Variants in DCLK2 observed in about 807,000 individuals in gnomAD.
DCLK2 encodes the protein serine/threonine-protein kinase DCLK2.
Under a neutral mutation model 78.4 loss-of-function variants are expected in DCLK2, and 31 were observed. The observed-to-expected ratio is 0.40, with a 90% CI of 0.30 to 0.53. The LOEUF is 0.53. Ranked by LOEUF, DCLK2 falls within the 20% of genes least tolerant of loss-of-function variation. The pLI, the probability that DCLK2 is intolerant of heterozygous loss-of-function variation, is 0.61. For synonymous variants in DCLK2, 407 were observed against 374.9 expected, an observed-to-expected ratio of 1.09 and a Z score of -0.99; for missense variants, 872 against 973.7, an observed-to-expected ratio of 0.90 and a Z score of 1.39.
At chr4:150,103,510 G>C (rs1731026777) in intron 2 of DCLK2, among the ~76,000 whole-genome samples, 1 of 152,088 alleles carries the variant, frequency 6.6e-6, no homozygotes, top group Non-Finnish European at 1.5e-5. Context: ...AAAGAAGCTT[G>C]GCTTCTGAAG....
intron 2 of DCLK2, among the ~76,000 whole-genome samples, chr4:150,132,510 G>T (rs1733389137): frequency 6.6e-6 from 1 of 152,210 alleles, no homozygotes; most frequent in African/African-American, 2.4e-5. Flanking sequence ...TGTTCTGTGT[G>T]TAAACACTGA....
At chr4:150,100,507 T>C (rs931100193) in intron 1 of DCLK2, among the ~76,000 whole-genome samples, 1 of 152,224 alleles carries the variant, frequency 6.6e-6, no homozygotes, top group Non-Finnish European at 1.5e-5. Context: ...TTCCCCCAGC[T>C]GACTTACTAC....
chr4:150,189,249 A>AT (rs1262406842), intron 2 of DCLK2, among the ~76,000 whole-genome samples: 2 of 151,938 alleles, frequency 1.3e-5, no homozygotes, highest in Non-Finnish European at 2.9e-5. Context: ...GGCCAAAAAA[A>AT]ATAAAAATCA....
chr4:150,094,895 C>G (rs1479648967), intron 1 of DCLK2, among the ~76,000 whole-genome samples: 1 of 152,144 alleles, frequency 6.6e-6, no homozygotes, highest in Non-Finnish European at 1.5e-5. Flanking sequence ...AAACACCTTA[C>G]CCACATGTTC....
intron 2 of DCLK2, among the ~76,000 whole-genome samples, chr4:150,128,891 A>T (rs1733096303): frequency 6.6e-6 from 1 of 152,290 alleles, no homozygotes; most frequent in Non-Finnish European, 1.5e-5. Context: ...GTTTAAAAAG[A>T]GCATTAACTT....
intron 8 of DCLK2, among the ~76,000 whole-genome samples, chr4:150,227,544 A>T (rs1265777703): frequency 6.6e-6 from 1 of 152,182 alleles, no homozygotes; most frequent in African/African-American, 2.4e-5. Context: ...AGGTGGTGAG[A>T]ACAGTCTGAG....
chr4:150,103,986 G>T (rs1051257168), intron 2 of DCLK2, among the ~76,000 whole-genome samples: 5 of 151,832 alleles, frequency 3.3e-5, no homozygotes, highest in African/African-American at 1.2e-4. Flanking sequence ...TGCAAGTAAG[G>T]AAAAATAAAT....
chr4:150,116,450 T>C (rs1279018448), intron 2 of DCLK2, among the ~76,000 whole-genome samples: 6 of 152,206 alleles, frequency 3.9e-5, no homozygotes, highest in Non-Finnish European at 1.5e-5. Flanking sequence ...TGTGTTTGGA[T>C]TCTTTTGTCC....
intron 1 of DCLK2, among the ~76,000 whole-genome samples, chr4:150,100,757 A>G (rs1040451492): frequency 5.3e-5 from 8 of 152,242 alleles, no homozygotes; most frequent in African/African-American, 1.9e-4. Flanking sequence ...TTGAAATTAT[A>G]TGACATTTTC....
intron 1 of DCLK2, among the ~76,000 whole-genome samples, chr4:150,079,700 C>G (rs1299761840): frequency 6.7e-6 from 1 of 149,794 alleles, no homozygotes; most frequent in Admixed American, 6.6e-5. Flanking sequence ...AATTTAGGCA[C>G]TGGTGGCATC....
chr4:150,113,393 G>T (rs1164389473), intron 2 of DCLK2, among the ~76,000 whole-genome samples: 1 of 151,970 alleles, frequency 6.6e-6, no homozygotes, highest in Non-Finnish European at 1.5e-5. Flanking sequence ...TGTTGTTGTT[G>T]GCAGTTTTTG....
At chr4:150,250,858 C>G (rs1158143030) in intron 15 of DCLK2, among the ~76,000 whole-genome samples, 1 of 136,002 alleles carries the variant, frequency 7.4e-6, no homozygotes, top group Non-Finnish European at 1.6e-5. Context: ...ACCCACATCC[C>G]CACACCCCCA....
intron 10 of DCLK2, among the ~76,000 whole-genome samples, chr4:150,238,225 ACT>A (rs920529311): frequency 4.1e-4 from 63 of 152,134 alleles, no homozygotes; most frequent in African/African-American, 2.7e-4. Context: ...GCATTTTTTA[ACT>A]CTGCATAATA....
chr4:150,135,316 A>C (rs935394885), intron 2 of DCLK2, among the ~76,000 whole-genome samples: 2 of 152,214 alleles, frequency 1.3e-5, no homozygotes, highest in Non-Finnish European at 2.9e-5. Context: ...AACATTTCTC[A>C]TATTACTCAG....
At chr4:150,199,159 C>T in intron 4 of DCLK2, 1 of 1,291,132 alleles carries the variant, frequency 7.7e-7, no homozygotes, top group Non-Finnish European at 1.1e-6. Flanking sequence ...TCCTTTTGCT[C>T]CATTTCCATG....
At chr4:150,086,251 A>G (rs973787726) in intron 1 of DCLK2, among the ~76,000 whole-genome samples, 10 of 152,286 alleles carry the variant, frequency 6.6e-5, no homozygotes, top group African/African-American at 1.9e-4. Flanking sequence ...AGGTGGATGT[A>G]GATGCTTTAA....
intron 2 of DCLK2, among the ~76,000 whole-genome samples, chr4:150,164,192 A>T (rs927210900): frequency 6.6e-6 from 1 of 152,236 alleles, no homozygotes; most frequent in Non-Finnish European, 1.5e-5. Flanking sequence ...AGTTGATTTT[A>T]ACCCCAGCTG....
At chr4:150,232,898 T>C (rs547253706) in intron 10 of DCLK2, 70 bp downstream of exon 10, 48 of 1,556,056 alleles carry the variant, frequency 3.1e-5, no homozygotes, top group Non-Finnish European at 3.8e-5. Context: ...ATGCAAATAA[T>C]GGCATTTTAT....
intron 1 of DCLK2, among the ~76,000 whole-genome samples, chr4:150,099,190 T>C (rs975596637): frequency 1.3e-5 from 2 of 152,082 alleles, no homozygotes; most frequent in African/African-American, 4.8e-5. Flanking sequence ...TTCTAATCAA[T>C]CTTGCAGGTG....
Sources: gnomAD v4.1 joint callset for allele counts (sites outside exome capture counted in the v4.1 genomes callset) on GRCh38, gnomAD v4.1.1 for gene constraint, MANE v1.5 for transcripts, NCBI Gene and HGNC (gene_info 2026-07-23, HGNC 2026-07-21) for gene names.